Variants in FRY observed in about 807,000 individuals in gnomAD.
FRY encodes the protein FRY microtubule binding protein.
In FRY, 128 loss-of-function variants were observed where a neutral mutation model predicts 348.4. The ratio of observed to expected loss-of-function variants is 0.37; its 90% CI spans 0.32 to 0.43. FRY has a LOEUF of 0.43. FRY is among the 20% of genes least tolerant of loss of function. FRY has a pLI of 1.00. For missense variants in FRY, 2,736 were observed against 3,695.2 expected (o/e 0.74, Z 6.73); for synonymous variants, 1,370 against 1,374.7 (o/e 1.00, Z 0.08).
rs1396963283 is a variant in FRY at position 32,161,233 on chromosome 13, T to G, written c.1874T>G (p.Leu625Arg). ...CCTGATGGGATGTCAAAACTTGAAC[T>G]TATTGACTTACTGGCTAGGTAGGTG... is the stretch of plus-strand genomic sequence containing the variant. ...LLPDGMSKLE[L>R]IDLLARLSIH... is the part of the protein sequence containing the mutation. The change falls in exon 17 of 61, where the codon CTT (leucine) becomes CGT (arginine). Residue 625 changes from leucine to arginine, a missense_variant. Around this residue, in one of 9 missense-constraint regions of FRY, gnomAD observed 191 missense variants for 370.2 expected, o/e 0.52. Transcript: ENST00000542859. The G allele has an allele frequency of 6.2e-7, 1 of 1,604,900 alleles. No individual in the cohort carries two copies. Among genetic ancestry groups the G allele is most frequent in the African/African-American group, 1.3e-5 (1 of 74,728 alleles).
intron 31 of FRY, among the ~76,000 whole-genome samples, chr13:32,206,799 C>T (rs1884377973): frequency 6.6e-6 from 1 of 152,074 alleles, no homozygotes; most frequent in Non-Finnish European, 1.5e-5. Context: ...TAATAGATTC[C>T]AAACACTTGT....
intron 8 of FRY, among the ~76,000 whole-genome samples, chr13:32,133,908 T>A (rs1017964259): frequency 2.6e-5 from 4 of 151,562 alleles, no homozygotes; most frequent in Non-Finnish European, 5.9e-5. Context: ...GCCTCCCAAG[T>A]AGCTGGGACT....
chr13:32,047,055 A>C lies in FRY; in HGVS notation c.70+15190A>C, dbSNP rs568556117. On this transcript the variant is annotated intron_variant, in intron 1 of 60. Transcript: ENST00000542859. ...GCTGTATATGGGTATATATGTATAT[A>C]TAGAGAGAGAGAGAGCTACATAATC... Among the ~76,000 whole-genome samples, 36 of 152,318 alleles carry C rather than the reference A, an allele frequency of 2.4e-4. No homozygotes were observed. The East Asian group carries it at 6.8e-3, about 29-fold the overall frequency.
intron 55 of FRY, among the ~76,000 whole-genome samples, chr13:32,274,485 A>G (rs888654124): frequency 6.6e-6 from 1 of 150,560 alleles, no homozygotes; most frequent in African/African-American, 2.5e-5. Flanking sequence ...AGGCGGGCGG[A>G]TCACAAGGTC....
chr13:32,067,518 T>C (rs2138475182), intron 1 of FRY, among the ~76,000 whole-genome samples: 1 of 152,302 alleles, frequency 6.6e-6, no homozygotes, highest in South Asian at 2.1e-4. Flanking sequence ...CAAGCTTTAC[T>C]CTGTAGAGAG....
chr13:32,049,438 T>TG (rs1873202543), intron 1 of FRY, among the ~76,000 whole-genome samples: 1 of 90,410 alleles, frequency 1.1e-5, no homozygotes, highest in South Asian at 3.6e-4. Context: ...CCCATAGGTT[T>TG]TTTTGTTTGT....
At chr13:32,195,550 A>G (rs1364301935) in intron 29 of FRY, among the ~76,000 whole-genome samples, 1 of 152,220 alleles carries the variant, frequency 6.6e-6, no homozygotes, top group Non-Finnish European at 1.5e-5. Context: ...CCCTTCTCCC[A>G]GTGAACTTGG....
intron 1 of FRY, among the ~76,000 whole-genome samples, chr13:32,035,657 C>G (rs1055384371): frequency 1.3e-5 from 2 of 152,224 alleles, no homozygotes; most frequent in African/African-American, 4.8e-5. Context: ...AAGGTACATT[C>G]AGAATCTGTT....
intron 11 of FRY, among the ~76,000 whole-genome samples, chr13:32,139,632 C>A (rs1879936513): frequency 1.3e-5 from 2 of 152,196 alleles, no homozygotes; most frequent in South Asian, 4.1e-4. Flanking sequence ...GACTTGAAAT[C>A]TTTAATTTTT....
Position 32,258,986 on chromosome 13 carries a change from G to T in FRY, c.7417-2630G>T, listed in dbSNP as rs569729569. On this transcript the variant is annotated intron_variant, in intron 51 of 60. Coordinates refer to ENST00000542859, the MANE Select transcript of FRY (RefSeq NM_023037.3). ...ATATGAAAAAAAGTGTCAAAAAATA[G>T]TATTTCTAACATTTATAGAATGTTT... Among the ~76,000 whole-genome samples the T allele has an allele frequency of 3.9e-5, 6 of 152,274 alleles. No individual in the cohort carries two copies. In the East Asian group the frequency reaches 1.2e-3, roughly 29 times the overall value.
intron 1 of FRY, among the ~76,000 whole-genome samples, chr13:32,078,183 C>G (rs1473869346): frequency 1.3e-5 from 2 of 152,174 alleles, no homozygotes; most frequent in Non-Finnish European, 2.9e-5. Context: ...AGTGGGGAAT[C>G]AACATATTTT....
intron 42 of FRY, among the ~76,000 whole-genome samples, chr13:32,235,344 G>A (rs1886162373): frequency 6.6e-6 from 1 of 152,228 alleles, no homozygotes; most frequent in Admixed American, 6.5e-5. Flanking sequence ...AAATGTTCCT[G>A]GCTGGGCAGT....
At chr13:32,215,979 T>C (rs1164483557) in intron 35 of FRY, among the ~76,000 whole-genome samples, 1 of 152,236 alleles carries the variant, frequency 6.6e-6, no homozygotes, top group Non-Finnish European at 1.5e-5. Flanking sequence ...TGTATAAATT[T>C]TGAACGGTCT....
intron 1 of FRY, among the ~76,000 whole-genome samples, chr13:32,034,713 G>A (rs372428398): frequency 6.6e-6 from 1 of 152,126 alleles, no homozygotes; most frequent in Non-Finnish European, 1.5e-5. Flanking sequence ...CTGCTCCCCA[G>A]CTCCCTTTTG....
intron 1 of FRY, among the ~76,000 whole-genome samples, chr13:32,059,632 C>T (rs770069696): frequency 6.6e-6 from 1 of 151,484 alleles, no homozygotes; most frequent in Non-Finnish European, 1.5e-5. Flanking sequence ...CCAGTGTACC[C>T]ATCCCCCAAA....
intron 1 of FRY, among the ~76,000 whole-genome samples, chr13:32,059,203 T>C (rs1435805924): frequency 6.6e-6 from 1 of 152,094 alleles, no homozygotes; most frequent in Non-Finnish European, 1.5e-5. Context: ...ACAAGGCTGT[T>C]TTAAGTAATG....
chr13:32,286,158 A>G (rs190955916), intron 58 of FRY, among the ~76,000 whole-genome samples: 1 of 152,308 alleles, frequency 6.6e-6, no homozygotes, highest in Non-Finnish European at 1.5e-5. Flanking sequence ...GATACTAATT[A>G]ATAAGTTGAT....
chr13:32,084,838 C>A (rs1420698239), intron 2 of FRY, among the ~76,000 whole-genome samples: 1 of 151,908 alleles, frequency 6.6e-6, no homozygotes, highest in East Asian at 1.9e-4. Flanking sequence ...CCTATAAGTT[C>A]CTTGGAGGCA....
intron 7 of FRY, among the ~76,000 whole-genome samples, chr13:32,126,882 C>G (rs1212574544): frequency 6.6e-6 from 1 of 152,052 alleles, no homozygotes. Context: ...TGTAATAATT[C>G]TAATTTTAGA....
Sources: gnomAD v4.1 joint callset for allele counts (sites outside exome capture counted in the v4.1 genomes callset) on GRCh38, gnomAD v4.1.1 for gene constraint, gnomAD v4.1.1 regional missense constraint, MANE v1.5 for transcripts, NCBI Gene and HGNC (gene_info 2026-07-23, HGNC 2026-07-21) for gene names.